CNOT4: variants seen among roughly 807,000 people sequenced by gnomAD.
CNOT4 encodes CCR4-associated factor 4.
Under a neutral mutation model 73.8 loss-of-function variants are expected in CNOT4, and 8 were observed. The observed-to-expected ratio is 0.11, with a 90% CI of 0.06 to 0.20. The LOEUF is 0.20. Ranked by LOEUF, CNOT4 falls within the 10% of genes least tolerant of loss-of-function variation. The pLI, the probability that CNOT4 is intolerant of heterozygous loss-of-function variation, is 1.00. For synonymous variants in CNOT4, 293 were observed against 321.1 expected, an observed-to-expected ratio of 0.91 and a Z score of 0.94; for missense variants, 564 against 883.4, an observed-to-expected ratio of 0.64 and a Z score of 4.58.
At chr7:135,486,114 C>T (rs1268035283) in intron 1 of CNOT4, among the ~76,000 whole-genome samples, 1 of 151,836 alleles carries the variant, frequency 6.6e-6, no homozygotes, top group African/African-American at 2.4e-5. Context: ...TAACTAAATA[C>T]CACCTGTACC....
At chr7:135,376,380 T>C (rs2129482747) in intron 10 of CNOT4, among the ~76,000 whole-genome samples, 1 of 152,346 alleles carries the variant, frequency 6.6e-6, no homozygotes, top group African/African-American at 2.4e-5. Context: ...TTTTATTTTT[T>C]TAAGGCTAGT....
intron 1 of CNOT4, among the ~76,000 whole-genome samples, chr7:135,489,218 G>A (rs1802939178): frequency 6.6e-6 from 1 of 151,736 alleles, no homozygotes; most frequent in Non-Finnish European, 1.5e-5. Flanking sequence ...AAAATAGGAA[G>A]AAACAAGTAA....
At chr7:135,507,870 T>C (rs1804478448) in intron 1 of CNOT4, among the ~76,000 whole-genome samples, 1 of 152,204 alleles carries the variant, frequency 6.6e-6, no homozygotes, top group Non-Finnish European at 1.5e-5. Context: ...AAAACTCAAC[T>C]TGTAACTTAG....
At chr7:135,388,929 G>C (rs1300591961) in intron 10 of CNOT4, 1 of 1,597,490 alleles carries the variant, frequency 6.3e-7, no homozygotes, top group Non-Finnish European at 8.6e-7. Flanking sequence ...AGTTATGGGT[G>C]ACTAGATTTG....
chr7:135,455,146 T>C (rs542514466), intron 1 of CNOT4, among the ~76,000 whole-genome samples: 1 of 151,742 alleles, frequency 6.6e-6, no homozygotes, highest in South Asian at 2.1e-4. Context: ...CAGTGGTGTG[T>C]GTCTGTAGTC....
intron 1 of CNOT4, among the ~76,000 whole-genome samples, chr7:135,502,508 A>C (rs1422170407): frequency 2.6e-5 from 4 of 152,216 alleles, no homozygotes; most frequent in African/African-American, 9.6e-5. Flanking sequence ...TTCCATAAGC[A>C]AAGTCTGTTT....
At chr7:135,386,956 C>A (rs1796149610) in intron 10 of CNOT4, 3 of 380,624 alleles carry the variant, frequency 7.9e-6, no homozygotes, top group Non-Finnish European at 1.1e-5. Flanking sequence ...AAGATCCAGG[C>A]AATGAAAGGC....
chr7:135,381,264 A>G (rs1304211382), intron 10 of CNOT4, among the ~76,000 whole-genome samples: 1 of 152,244 alleles, frequency 6.6e-6, no homozygotes, highest in African/African-American at 2.4e-5. Context: ...AAATTGCTTT[A>G]TATAAAAACA....
At chr7:135,381,565 CG>C (rs1554424204) in intron 10 of CNOT4, among the ~76,000 whole-genome samples, 1 of 152,112 alleles carries the variant, frequency 6.6e-6, no homozygotes, top group Non-Finnish European at 1.5e-5. Flanking sequence ...TGCAGAAATA[CG>C]GAATATTTAA....
At chr7:135,471,890 T>C (rs1801603616) in intron 1 of CNOT4, among the ~76,000 whole-genome samples, 2 of 152,150 alleles carry the variant, frequency 1.3e-5, no homozygotes, top group African/African-American at 4.8e-5. Flanking sequence ...TAAAATATAT[T>C]GGCCAGGCGC....
intron 3 of CNOT4, among the ~76,000 whole-genome samples, chr7:135,419,302 C>A (rs915365214): frequency 2.6e-5 from 4 of 152,092 alleles, no homozygotes; most frequent in Admixed American, 1.3e-4. Flanking sequence ...TGTTCATCAT[C>A]CAAAGATAAG....
chr7:135,429,463 A>G (rs1236504862), intron 2 of CNOT4, among the ~76,000 whole-genome samples: 4 of 152,136 alleles, frequency 2.6e-5, no homozygotes, highest in Non-Finnish European at 4.4e-5. Flanking sequence ...ATTTACTACC[A>G]TATCTCTAAA....
chr7:135,468,215 CA>C (rs1801347469), intron 1 of CNOT4, among the ~76,000 whole-genome samples: 1 of 148,038 alleles, frequency 6.8e-6, no homozygotes, highest in Admixed American at 6.7e-5. Flanking sequence ...GACTCTGTCT[CA>C]AAAAAATAAA....
intron 9 of CNOT4, among the ~76,000 whole-genome samples, chr7:135,395,158 TGGGA>T (rs1796607190): frequency 1.3e-5 from 2 of 151,886 alleles, no homozygotes; most frequent in South Asian, 2.1e-4. Flanking sequence ...AAGGCTTGGG[TGGGA>T]GGATCACTTG....
At chr7:135,376,805 A>G (rs1189973103) in intron 10 of CNOT4, among the ~76,000 whole-genome samples, 1 of 152,198 alleles carries the variant, frequency 6.6e-6, no homozygotes, top group East Asian at 1.9e-4. Context: ...AAAAATCCCA[A>G]ATAAGAATAA....
At chr7:135,469,254 C>T (rs1385350195) in intron 1 of CNOT4, among the ~76,000 whole-genome samples, 1 of 151,786 alleles carries the variant, frequency 6.6e-6, no homozygotes, top group Non-Finnish European at 1.5e-5. Context: ...GTGAACATAT[C>T]TAGAGTTCAG....
intron 3 of CNOT4, among the ~76,000 whole-genome samples, chr7:135,421,172 T>C (rs1486114146): frequency 1.3e-5 from 2 of 152,156 alleles, no homozygotes; most frequent in Non-Finnish European, 2.9e-5. Flanking sequence ...CAATAAAGAT[T>C]AACTATTTTT....
chr7:135,460,244 C>A (rs1332186844), intron 1 of CNOT4, among the ~76,000 whole-genome samples: 1 of 152,220 alleles, frequency 6.6e-6, no homozygotes, highest in African/African-American at 2.4e-5. Context: ...TGGAGTAGCA[C>A]TTTCAATTTC....
At chr7:135,393,185 A>C (rs1796489934) in intron 10 of CNOT4, among the ~76,000 whole-genome samples, 1 of 152,232 alleles carries the variant, frequency 6.6e-6, no homozygotes, top group African/African-American at 2.4e-5. Context: ...AATGTTATAT[A>C]GAATCTTAAA....
Sources: gnomAD v4.1 joint callset for allele counts (sites outside exome capture counted in the v4.1 genomes callset) on GRCh38, gnomAD v4.1.1 for gene constraint, MANE v1.5 for transcripts, NCBI Gene and HGNC (gene_info 2026-07-23, HGNC 2026-07-21) for gene names.